OPN3: variants seen among roughly 807,000 people sequenced by gnomAD.
OPN3 encodes opsin-3.
OPN3 carries 29 observed loss-of-function variants against 33.8 expected under a neutral mutation model. That is an observed-to-expected ratio of 0.86 (90% confidence interval 0.64 to 1.17). OPN3 has a LOEUF of 1.17. Ranked by LOEUF, OPN3 falls within the 50% of genes most tolerant of loss-of-function variation. OPN3 has a pLI of 0.00. For missense variants in OPN3, 437 were observed against 514.1 expected (o/e 0.85, Z 1.45); for synonymous variants, 216 against 216.1 (o/e 1.00, Z 0.00).
At chr1:241,634,242 G>A (rs760144305) in intron 1 of OPN3, 8 of 1,613,866 alleles carry the variant, frequency 5.0e-6, no homozygotes, top group Middle Eastern at 1.6e-4. Context: ...CATGTCAAAT[G>A]TACCAGATAG....
At chr1:241,623,633 A>C (rs1221074112) in intron 1 of OPN3, among the ~76,000 whole-genome samples, 1 of 152,236 alleles carries the variant, frequency 6.6e-6, no homozygotes, top group Non-Finnish European at 1.5e-5. Flanking sequence ...AATGAATTAC[A>C]TACATTCAGA....
chr1:241,635,803 G>T (rs757759137), intron 1 of OPN3: 23 of 1,565,046 alleles, frequency 1.5e-5, no homozygotes, highest in Non-Finnish European at 1.8e-5. Context: ...AACTGCTGAT[G>T]AAAGAAATGA....
Position 241,604,422 on chromosome 1 carries a change from G to A in OPN3, c.531C>T (p.Asn177=). 1 of 1,614,174 alleles carries A rather than the reference G, an allele frequency of 6.2e-7. No homozygotes were observed. The highest frequency in any genetic ancestry group is 8.5e-7 in the Non-Finnish European group (1 of 1,180,034). ...GTCCGTGTACGTCCAGGATGTACCT[G>A]TTCCATCCCAGGAGAGGTGCTCCTG... The part of the protein sequence containing the change: ...AWAGAPLLGW[N]RYILDVHGLG... The change falls in exon 2 of 4, where the codon AAC becomes AAT. Residue 177 remains asparagine (N), a synonymous_variant. Transcript: ENST00000366554.
chr1:241,635,539 C>A (rs1205360502), intron 1 of OPN3: 1 of 1,614,012 alleles, frequency 6.2e-7, no homozygotes, highest in South Asian at 1.1e-5. Flanking sequence ...TCAGGTCCTG[C>A]CATACAACAG....
Position 241,598,025 on chromosome 1 carries a change from G to A in OPN3, c.694-28C>T. On this transcript the variant is annotated intron_variant, in intron 2 of 3. Coordinates refer to ENST00000366554, the MANE Select transcript of OPN3 (RefSeq NM_014322.3). ...GCAGAAAGGAGAAAGAAAGGAAAGG[G>A]CTTAAAAAACAAAAGAAGGGTTTCT... is the stretch of plus-strand genomic sequence containing the variant. 5 of 1,599,492 alleles carry A rather than the reference G, an allele frequency of 3.1e-6. No individual in the cohort carries two copies. The South Asian group carries it at 5.6e-5, about 18-fold the overall frequency.
intron 1 of OPN3, chr1:241,633,246 G>C (rs1219153520): frequency 6.4e-6 from 1 of 155,396 alleles, no homozygotes; most frequent in Non-Finnish European, 1.4e-5. Flanking sequence ...ATCTTTAAAC[G>C]ATTATAGACA....
chr1:241,623,870 A>C (rs985294484), intron 1 of OPN3, among the ~76,000 whole-genome samples: 20 of 152,186 alleles, frequency 1.3e-4, no homozygotes, highest in Non-Finnish European at 2.1e-4. Context: ...CCTTTGAAAC[A>C]TAAGTCTTAT....
chr1:241,597,661 T>C, intron 3 of OPN3, 85 bp downstream of exon 3: 1 of 1,312,292 alleles, frequency 7.6e-7, no homozygotes. Flanking sequence ...TTGAAGCGAC[T>C]CTGAATCACC....
At chr1:241,628,865 T>G (rs1256153892) in intron 1 of OPN3, 1 of 152,514 alleles carries the variant, frequency 6.6e-6, no homozygotes, top group African/African-American at 2.4e-5. Context: ...GTAAACCACT[T>G]TACCAATTAA....
intron 1 of OPN3, among the ~76,000 whole-genome samples, chr1:241,628,084 G>A (rs1304601815): frequency 6.6e-6 from 1 of 152,074 alleles, no homozygotes; most frequent in Non-Finnish European, 1.5e-5. Flanking sequence ...TAAACGATTC[G>A]GCTTTTAACC....
intron 1 of OPN3, among the ~76,000 whole-genome samples, chr1:241,627,326 A>G (rs1364563641): frequency 6.6e-6 from 1 of 152,178 alleles, no homozygotes; most frequent in East Asian, 1.9e-4. Context: ...ATAGTGCTTT[A>G]TGTGTTACAT....
At chr1:241,598,791 C>A (rs1369993199) in intron 2 of OPN3, among the ~76,000 whole-genome samples, 2 of 152,130 alleles carry the variant, frequency 1.3e-5, no homozygotes, top group African/African-American at 4.8e-5. Context: ...TTCTGCACAC[C>A]AAAAATGTGT....
Position 241,593,626 on chromosome 1 carries a change from A to G in OPN3, c.*802T>C, listed in dbSNP as rs544869986. On this transcript the variant is annotated 3_prime_UTR_variant, in exon 4 of 4. Transcript: ENST00000366554. ...ATTGACAAGAGAAAAACAAACATAA[A>G]TTTATTAGCGGGTATATGTAATATA... is the stretch of plus-strand genomic sequence containing the variant. 4.5e-6 allele frequency: 1 copy of G among 220,432 alleles called. No individual in the cohort carries two copies. Among genetic ancestry groups the G allele is most frequent in the South Asian group, 6.4e-5 (1 of 15,558 alleles). The allele number at this position is 220,432 out of a possible 1,614,324, so 13.7% of individuals were successfully genotyped here.
At chr1:241,631,059 ATTAT>A (rs1002682868) in intron 1 of OPN3, 6 of 152,158 alleles carry the variant, frequency 3.9e-5, no homozygotes, top group African/African-American at 7.2e-5. Context: ...ATGGATAGAC[ATTAT>A]TTAAACATTT....
At chr1:241,603,624 G>A (rs560102609) in intron 2 of OPN3, among the ~76,000 whole-genome samples, 11 of 152,286 alleles carry the variant, frequency 7.2e-5, no homozygotes, top group African/African-American at 2.4e-4. Flanking sequence ...AGCTAAGTCC[G>A]ATTTTTTAAA....
rs201257397 is a variant in OPN3, at chr1:241,607,767, GGGAA to G, written c.374-3192_374-3189del. The stretch of plus-strand genomic sequence containing the variant: ...GGAAGGAAGAAAGAAAGAGAAAGGA[GGGAA>G]GGAAGGAAGAAAGGAAGGAAGGGAA... On this transcript the variant is annotated intron_variant, in intron 1 of 3. Coordinates refer to ENST00000366554, the MANE Select transcript of OPN3 (RefSeq NM_014322.3). 5.9e-3 allele frequency among the ~76,000 whole-genome samples: 873 copies of G among 146,948 alleles called. 8 individuals are homozygous for G. The highest frequency in any genetic ancestry group is 0.021 in the African/African-American group (833 of 39,748).
chr1:241,606,590 A>AAAT (rs1663838838), intron 1 of OPN3, among the ~76,000 whole-genome samples: 1 of 144,882 alleles, frequency 6.9e-6, no homozygotes, highest in African/African-American at 2.6e-5. Context: ...AATAAATAAA[A>AAAT]TAAATAAAAT....
chr1:241,625,183 A>T (rs562850967), intron 1 of OPN3, among the ~76,000 whole-genome samples: 2 of 152,208 alleles, frequency 1.3e-5, no homozygotes, highest in African/African-American at 4.8e-5. Context: ...GCAATTAAGT[A>T]TTTTCTATAG....
At chr1:241,597,638 G>GTT (rs369806826) in intron 3 of OPN3, 108 bp downstream of exon 3, 28 of 995,654 alleles carry the variant, frequency 2.8e-5, no homozygotes, top group South Asian at 7.2e-5. Flanking sequence ...AAAAATTCTT[G>GTT]TTTTTTTTTT....
Sources: gnomAD v4.1 joint callset for allele counts (sites outside exome capture counted in the v4.1 genomes callset) on GRCh38, gnomAD v4.1.1 for gene constraint, MANE v1.5 for transcripts, NCBI Gene and HGNC (gene_info 2026-07-23, HGNC 2026-07-21) for gene names.